THSD7B: variants seen among roughly 807,000 people sequenced by gnomAD.
The protein encoded by THSD7B is thrombospondin type-1 domain-containing protein 7B.
THSD7B carries 138 observed loss-of-function variants against 213.6 expected under a neutral mutation model. The ratio of observed to expected loss-of-function variants is 0.65; its 90% CI spans 0.56 to 0.74. THSD7B has a LOEUF of 0.74. Among genes scored for constraint, THSD7B ranks in the 30% least tolerant of loss-of-function variants. THSD7B has a pLI of 0.00. For synonymous variants in THSD7B, 742 were observed against 687.0 expected (o/e 1.08, Z -1.25); for missense variants, 1,931 against 1,991.5 (o/e 0.97, Z 0.58).
At chr2:137,611,090 AAC>A (rs991978114) in intron 17 of THSD7B, among the ~76,000 whole-genome samples, 9 of 151,472 alleles carry the variant, frequency 5.9e-5, no homozygotes. Context: ...TTATAATGAA[AAC>A]AGTTTTGCAA....
At position 137,233,103 on chromosome 2, in the gene THSD7B, A is replaced by C. The variant is rs1409797449; in HGVS notation, c.2120A>C (p.Lys707Thr). The C allele has an allele frequency of 3.7e-6, 6 of 1,613,732 alleles. No homozygotes were observed. The highest frequency in any genetic ancestry group is 1.7e-6 in the Non-Finnish European group (2 of 1,179,804). ...CAGACTCGGAGAGTCTTCTGTGTCA[A>C]GAGTCACGTGGGACAAGTAATGACC... ...GIQTRRVFCV[K>T]SHVGQVMTKR... The change falls in exon 9 of 28, where the codon AAG becomes ACG. Residue 707 changes from lysine to threonine, a missense_variant. Transcript: ENST00000409968.
intron 2 of THSD7B, among the ~76,000 whole-genome samples, chr2:137,054,849 G>T (rs1344014768): frequency 1.3e-5 from 2 of 151,854 alleles, no homozygotes; most frequent in East Asian, 3.9e-4. Flanking sequence ...GTGCCATGGT[G>T]GTTTGCTGCA....
intron 16 of THSD7B, among the ~76,000 whole-genome samples, chr2:137,565,566 C>T (rs565018251): frequency 1.8e-4 from 27 of 152,258 alleles, no homozygotes; most frequent in African/African-American, 4.6e-4. Context: ...AAAGGCCTCA[C>T]GTCTTGGTAC....
chr2:137,331,671 G>T (rs922272455), intron 12 of THSD7B, among the ~76,000 whole-genome samples: 1 of 152,154 alleles, frequency 6.6e-6, no homozygotes, highest in Non-Finnish European at 1.5e-5. Flanking sequence ...GGTGCTCATC[G>T]GGGAGGCTCT....
intron 21 of THSD7B, among the ~76,000 whole-genome samples, chr2:137,655,258 G>T (rs1451257090): frequency 6.6e-6 from 1 of 152,148 alleles, no homozygotes; most frequent in Non-Finnish European, 1.5e-5. Context: ...GTTCCAAAAT[G>T]AATTGTCATA....
At chr2:137,119,358 G>A (rs956583878) in intron 5 of THSD7B, among the ~76,000 whole-genome samples, 6 of 152,178 alleles carry the variant, frequency 3.9e-5, no homozygotes, top group Non-Finnish European at 7.3e-5. Context: ...TAATTTACAG[G>A]CTTTTAGTTG....
chr2:136,956,592 A>T, intron 2 of THSD7B, among the ~76,000 whole-genome samples: 1 of 137,276 alleles, frequency 7.3e-6, no homozygotes, highest in African/African-American at 2.9e-5. Flanking sequence ...ACAAAGTGAG[A>T]CCCTGTCTCA....
At chr2:137,352,629 C>G (rs1685038431) in intron 12 of THSD7B, among the ~76,000 whole-genome samples, 1 of 151,936 alleles carries the variant, frequency 6.6e-6, no homozygotes, top group African/African-American at 2.4e-5. Flanking sequence ...GTTAAATGTC[C>G]AACTGTGGTT....
chr2:137,617,313 T>C (rs368621043), intron 18 of THSD7B, among the ~76,000 whole-genome samples: 9 of 152,212 alleles, frequency 5.9e-5, no homozygotes, highest in African/African-American at 2.2e-4. Context: ...CATCTACCAA[T>C]ATGGAAAATT....
At chr2:137,670,388 A>G (rs536198018) in intron 27 of THSD7B, among the ~76,000 whole-genome samples, 1 of 152,272 alleles carries the variant, frequency 6.6e-6, no homozygotes, top group East Asian at 1.9e-4. Context: ...TTTCAAATTT[A>G]TCTGCTACTA....
intron 1 of THSD7B, among the ~76,000 whole-genome samples, chr2:136,814,027 C>G (rs138529146): frequency 6.6e-6 from 1 of 152,134 alleles, no homozygotes; most frequent in Non-Finnish European, 1.5e-5. Flanking sequence ...TCCTGATTTC[C>G]AATATCCCCC....
chr2:136,843,528 G>A (rs1322542758), intron 1 of THSD7B, among the ~76,000 whole-genome samples: 1 of 152,148 alleles, frequency 6.6e-6, no homozygotes, highest in Admixed American at 6.5e-5. Context: ...TGAGAATCTA[G>A]TTTATGTCTT....
At chr2:137,083,652 T>G (rs1233254551) in intron 3 of THSD7B, among the ~76,000 whole-genome samples, 4 of 152,172 alleles carry the variant, frequency 2.6e-5, no homozygotes, top group Non-Finnish European at 5.9e-5. Flanking sequence ...CCCAGATAGA[T>G]TCTCTTTTGA....
intron 12 of THSD7B, among the ~76,000 whole-genome samples, 171 bp from the exon 13 acceptor site, chr2:137,405,442 A>G (rs1222649462): frequency 6.6e-6 from 1 of 152,182 alleles, no homozygotes; most frequent in Non-Finnish European, 1.5e-5. Context: ...CAATGACAAC[A>G]ATAAAAATTT....
At chr2:136,877,921 TC>T (rs1208297905) in intron 1 of THSD7B, among the ~76,000 whole-genome samples, 87 of 145,930 alleles carry the variant, frequency 6.0e-4, no homozygotes, top group African/African-American at 2.2e-3. Flanking sequence ...CCATTTCTTT[TC>T]TTGTTTTTTT....
intron 2 of THSD7B, among the ~76,000 whole-genome samples, chr2:136,927,538 G>A (rs548629624): frequency 1.3e-5 from 2 of 152,200 alleles, no homozygotes; most frequent in Non-Finnish European, 2.9e-5. Context: ...ATTGTTCAAT[G>A]TTGAACAGAT....
intron 2 of THSD7B, among the ~76,000 whole-genome samples, chr2:137,036,832 G>A (rs1034063303): frequency 1.3e-5 from 2 of 152,122 alleles, no homozygotes; most frequent in East Asian, 3.9e-4. Context: ...CACAGTGGCT[G>A]GGCTGAACCT....
intron 27 of THSD7B, among the ~76,000 whole-genome samples, chr2:137,674,177 T>A (rs1683644263): frequency 6.6e-6 from 1 of 152,202 alleles, no homozygotes; most frequent in African/African-American, 2.4e-5. Context: ...AACTCCCCAA[T>A]GCTTAGGATT....
intron 12 of THSD7B, among the ~76,000 whole-genome samples, chr2:137,368,263 A>G (rs573924164): frequency 1.3e-5 from 2 of 150,624 alleles, no homozygotes; most frequent in Non-Finnish European, 2.9e-5. Context: ...CTCTAGATTT[A>G]CAAAAAAAAA....
Sources: allele counts gnomAD v4.1 joint callset (sites outside exome capture counted in the v4.1 genomes callset), GRCh38; gene constraint gnomAD v4.1.1; transcripts MANE v1.5; gene names NCBI Gene and HGNC (gene_info 2026-07-23, HGNC 2026-07-21).